The following GNAL variants were observed in gnomAD, a reference collection of about 807,000 sequenced individuals.
The protein encoded by GNAL is guanine nucleotide-binding protein G(olf) subunit alpha.
Under a neutral mutation model 55.1 loss-of-function variants are expected in GNAL, and 18 were observed. The observed-to-expected ratio is 0.33, with a 90% confidence interval of 0.23 to 0.48. GNAL has a LOEUF of 0.48. GNAL is among the 20% of genes least tolerant of loss of function. The probability of loss-of-function intolerance (pLI) is 0.99; values close to 1 mark genes in which losing one functional copy is unlikely to be tolerated. For synonymous variants in GNAL, 253 were observed against 237.0 expected (o/e 1.07, Z -0.62); for missense variants, 412 against 614.1 (o/e 0.67, Z 3.48).
At chr18:11,735,501 A>C (rs1367025849) in intron 1 of GNAL, among the ~76,000 whole-genome samples, 7 of 152,106 alleles carry the variant, frequency 4.6e-5, no homozygotes, top group Admixed American at 2.0e-4. Flanking sequence ...CTGTAATCCT[A>C]GCACTTTAGG....
At chr18:11,870,125 G>A (rs1327857984) in intron 9 of GNAL, among the ~76,000 whole-genome samples, 1 of 152,156 alleles carries the variant, frequency 6.6e-6, no homozygotes, top group African/African-American at 2.4e-5. Context: ...TCAAATTTTG[G>A]TTTTCACAGG....
At chr18:11,718,690 A>G (rs923168243) in intron 1 of GNAL, among the ~76,000 whole-genome samples, 1 of 152,116 alleles carries the variant, frequency 6.6e-6, no homozygotes, top group Non-Finnish European at 1.5e-5. Flanking sequence ...CCTCCAGTGG[A>G]TATTTGTTCT....
Position 11,702,310 on chromosome 18 carries a change from G to C in GNAL, c.376+12371G>C, listed in dbSNP as rs543264717. The C allele has an allele frequency of 4.6e-5, 7 of 152,410 alleles. No individual in the cohort carries two copies. In the East Asian group the frequency reaches 7.7e-4, roughly 17 times the overall value. 9.4% of individuals were successfully genotyped at this position (152,410 alleles called of 1,614,324 possible). A position where few individuals can be genotyped will look rare whatever the true frequency, so the allele number is the denominator to read the frequency against. On this transcript the variant is annotated intron_variant, in intron 1 of 11. Transcript: ENST00000334049. The stretch of plus-strand genomic sequence containing the variant: ...GTGGCACCAGGGAGGAATCAGGACC[G>C]AGCAAGAGGCGAGTGCTGATCCCAG...
intron 1 of GNAL, among the ~76,000 whole-genome samples, chr18:11,698,191 T>C (rs1263147342): frequency 6.6e-6 from 1 of 151,896 alleles, no homozygotes; most frequent in Non-Finnish European, 1.5e-5. Context: ...ACTTGGGAGC[T>C]CAGGGATAAA....
rs867689101 is a variant in GNAL, at chr18:11,689,883, G to A, written c.320G>A (p.Arg107His). 2 of 1,494,936 alleles carry A rather than the reference G, an allele frequency of 1.3e-6. No individual in the cohort carries two copies. Among genetic ancestry groups the A allele is most frequent in the Non-Finnish European group, 1.8e-6 (2 of 1,123,502 alleles). The allele number at this position is 1,494,936 out of a possible 1,614,324, so 92.6% of individuals were successfully genotyped here. The change falls in exon 1 of 12, where the codon CGC becomes CAC. Residue 107 changes from arginine (R) to histidine (H), a missense_variant. Arg to His is a conservative substitution (Grantham distance 29). This residue lies in a region of GNAL where 228 missense variants were observed against 194.8 expected (regional missense o/e 1.17). Coordinates refer to ENST00000334049, the MANE Select transcript of GNAL (RefSeq NM_182978.4). ...AGGAAAGTGAGCCGGGGCATCGACC[G>A]CATGCTGCGCGACCAGAAGCGCGAC... ...EARKVSRGID[R>H]MLRDQKRDLQ... is the part of the protein sequence containing the mutation.
intron 1 of GNAL, among the ~76,000 whole-genome samples, chr18:11,701,146 G>A (rs922242018): frequency 6.6e-6 from 1 of 152,158 alleles, no homozygotes; most frequent in African/African-American, 2.4e-5. Context: ...GAGATAAATG[G>A]CAACAGTGTG....
intron 9 of GNAL, among the ~76,000 whole-genome samples, chr18:11,871,253 CT>C (rs759232588): frequency 8.5e-4 from 118 of 138,604 alleles, no homozygotes; most frequent in Middle Eastern, 7.2e-3. Flanking sequence ...GTTTTTCTTT[CT>C]TTTTTTTTTT....
chr18:11,792,562 A>T (rs2034268741), intron 4 of GNAL, among the ~76,000 whole-genome samples: 1 of 152,262 alleles, frequency 6.6e-6, no homozygotes, highest in Admixed American at 6.5e-5. Context: ...TCTTGAGAAC[A>T]GGAGTATTGG....
At chr18:11,789,997 C>T (rs926854313) in intron 4 of GNAL, among the ~76,000 whole-genome samples, 1 of 152,230 alleles carries the variant, frequency 6.6e-6, no homozygotes, top group African/African-American at 2.4e-5. Flanking sequence ...ACTCAGATCA[C>T]TGATGATGCA....
chr18:11,725,857 C>A (rs978074160), intron 1 of GNAL, among the ~76,000 whole-genome samples: 2 of 152,166 alleles, frequency 1.3e-5, no homozygotes, highest in African/African-American at 2.4e-5. Context: ...ACCAAATTGT[C>A]TTTTAAAGCA....
chr18:11,758,537 A>C (rs1214652405), intron 4 of GNAL, among the ~76,000 whole-genome samples: 1 of 152,272 alleles, frequency 6.6e-6, no homozygotes, highest in Non-Finnish European at 1.5e-5. Context: ...TTGCTGCAGA[A>C]TAATGTGAAA....
chr18:11,727,997 C>T (rs2032250398), intron 1 of GNAL, among the ~76,000 whole-genome samples: 2 of 152,048 alleles, frequency 1.3e-5, no homozygotes, highest in African/African-American at 4.8e-5. Context: ...GATGCTGAGG[C>T]AGGAAGATCA....
chr18:11,810,797 A>G (rs1229511494), intron 4 of GNAL: 3 of 152,284 alleles, frequency 2.0e-5, no homozygotes, highest in Non-Finnish European at 4.4e-5. Flanking sequence ...CACGCTGGCT[A>G]TAAGTGCATT....
At chr18:11,791,445 G>A (rs1157909986) in intron 4 of GNAL, among the ~76,000 whole-genome samples, 3 of 152,196 alleles carry the variant, frequency 2.0e-5, no homozygotes, top group Admixed American at 6.5e-5. Flanking sequence ...CTTCTAAACA[G>A]AAGGTTGATT....
chr18:11,704,206 C>T (rs2031650123), intron 1 of GNAL, among the ~76,000 whole-genome samples: 1 of 152,178 alleles, frequency 6.6e-6, no homozygotes, highest in Non-Finnish European at 1.5e-5. Flanking sequence ...CACAGTGGGT[C>T]ACACCCTAGA....
intron 5 of GNAL, among the ~76,000 whole-genome samples, chr18:11,839,971 GAA>G (rs1422418610): frequency 1.3e-5 from 2 of 152,180 alleles, no homozygotes; most frequent in Non-Finnish European, 2.9e-5. Flanking sequence ...AAAAAAGGAA[GAA>G]AGTAAAACCT....
chr18:11,760,119 G>A (rs1180623898), intron 4 of GNAL, among the ~76,000 whole-genome samples: 1 of 152,054 alleles, frequency 6.6e-6, no homozygotes, highest in Non-Finnish European at 1.5e-5. Flanking sequence ...CCCGCAGCTC[G>A]CTCTTGGAGT....
intron 4 of GNAL, among the ~76,000 whole-genome samples, chr18:11,790,695 T>C (rs1186405397): frequency 1.4e-5 from 2 of 146,296 alleles, no homozygotes; most frequent in Non-Finnish European, 3.0e-5. Context: ...CTTGCTCTGT[T>C]GCCCAGGCTG....
rs371657931 is a variant in GNAL at position 11,725,500 on chromosome 18, C to T, written c.377-27353C>T. ...GCTTTATTATGGCAGCTCTAGTAAA[C>T]GAATATATCATCCTTTTGGCTTTTC... On this transcript the variant is annotated intron_variant, in intron 1 of 11. Transcript: ENST00000334049. Among the ~76,000 whole-genome samples, 20 of 152,206 alleles carry T rather than the reference C, an allele frequency of 1.3e-4. No individual in the cohort carries two copies. The East Asian group carries it at 2.3e-3, about 18-fold the overall frequency.
Sources: allele counts gnomAD v4.1 joint callset (sites outside exome capture counted in the v4.1 genomes callset), GRCh38; gene constraint gnomAD v4.1.1; regional missense constraint gnomAD v4.1.1; transcripts MANE v1.5; gene names NCBI Gene and HGNC (gene_info 2026-07-23, HGNC 2026-07-21).